PI4KB: variants seen among roughly 807,000 people sequenced by gnomAD.
The protein encoded by PI4KB is PtdIns 4-kinase beta.
Under a neutral mutation model 81.4 loss-of-function variants are expected in PI4KB, and 23 were observed. The ratio of observed to expected loss-of-function variants is 0.28; its 90% CI spans 0.20 to 0.40. PI4KB has a LOEUF of 0.40. Among genes scored for constraint, PI4KB ranks in the 10% least tolerant of loss-of-function variants. PI4KB has a pLI of 1.00. For missense variants in PI4KB, 651 were observed against 1,036.6 expected, an observed-to-expected ratio of 0.63 and a Z score of 5.11; for synonymous variants, 381 against 406.8, an observed-to-expected ratio of 0.94 and a Z score of 0.76.
chr1:151,309,529 C>T (rs1028622100), intron 3 of PI4KB, among the ~76,000 whole-genome samples: 6 of 152,162 alleles, frequency 3.9e-5, no homozygotes, highest in South Asian at 2.1e-4. Flanking sequence ...TTTCCTCTCA[C>T]GTCTTTGCCC....
chr1:151,312,639 T>C (rs756586957), intron 2 of PI4KB, among the ~76,000 whole-genome samples: 10 of 152,158 alleles, frequency 6.6e-5, no homozygotes, highest in Non-Finnish European at 8.8e-5. Flanking sequence ...GAATGTTACA[T>C]GAAAGGGAAG....
Position 151,307,704 on chromosome 1 carries a change from C to T in PI4KB, c.1052G>A (p.Arg351Lys), listed in dbSNP as rs1695898051. 1 of 1,614,194 alleles carries T rather than the reference C, an allele frequency of 6.2e-7. No individual in the cohort carries two copies. Among genetic ancestry groups the T allele is most frequent in the Non-Finnish European group, 8.5e-7 (1 of 1,180,032 alleles). ...TLPTKEQKTQ[R>K]LISELSLLNH... ...GAGCAGGGAGAGCTCTGAGATCAGC[C>T]TCTGTGTTTTCTGCTCTTTGGTGGG... Residue 351 changes from arginine to lysine, a missense_variant, in exon 4 of 12, where the codon AGG (arginine) becomes AAG (lysine). Transcript: ENST00000368873.
chr1:151,327,454 G>A (rs1018772054), upstream of PI4KB: 8 of 397,264 alleles, frequency 2.0e-5, no homozygotes, highest in Non-Finnish European at 3.6e-5. Flanking sequence ...GGGGCCTTCA[G>A]GCTGCCACAA....
rs376886091 is a variant in PI4KB at position 151,307,562 on chromosome 1, G to C, written c.1182+12C>G. 71 of 1,590,110 alleles carry C rather than the reference G, an allele frequency of 4.5e-5. No individual in the cohort carries two copies. The highest frequency in any genetic ancestry group is 6.1e-5 in the Non-Finnish European group (71 of 1,158,602). On this transcript the variant is annotated intron_variant, in intron 4 of 11. Coordinates refer to ENST00000368873, the MANE Select transcript of PI4KB (RefSeq NM_001369623.2). Reference sequence around the variant, plus strand: ...ACGTCCAGGGTAGGGGTTTGGGCCAGAACCCATCTACCTTGTCCTTGGAGT... The same window carrying C: ...ACGTCCAGGGTAGGGGTTTGGGCCACAACCCATCTACCTTGTCCTTGGAGT...
intron 10 of PI4KB, 52 bp downstream of exon 10, chr1:151,294,357 A>G (rs1694610672): frequency 6.3e-7 from 1 of 1,596,706 alleles, no homozygotes; most frequent in Non-Finnish European, 8.5e-7. Context: ...CTCTCCCATG[A>G]CAGAGAAAGA....
chr1:151,298,325 AG>A (rs1258423810), intron 9 of PI4KB: 1 of 157,876 alleles, frequency 6.3e-6, no homozygotes, highest in Non-Finnish European at 1.4e-5. Flanking sequence ...ACAGTGCCAC[AG>A]GGCATTTAAT....
At chr1:151,293,076 G>C (rs756050051) in intron 11 of PI4KB, 43 bp from the exon 12 acceptor site, 1 of 1,601,602 alleles carries the variant, frequency 6.2e-7, no homozygotes, top group Non-Finnish European at 8.5e-7. Flanking sequence ...ATGGACGGGA[G>C]GGGCAGTGGT....
At chr1:151,314,817 T>C (rs973221195) in intron 2 of PI4KB, among the ~76,000 whole-genome samples, 2 of 152,132 alleles carry the variant, frequency 1.3e-5, no homozygotes, top group Non-Finnish European at 2.9e-5. Context: ...TTCTAACATC[T>C]CCCCTACCCC....
chr1:151,327,215 G>GCCGGGGGGGCCCCC, intron 1 of PI4KB, 56 bp downstream of exon 1: 1 of 49,688 alleles, frequency 2.0e-5, no homozygotes, highest in Non-Finnish European at 4.5e-5. Context: ...GTGGGAGAGG[G>GCCGGGGGGGCCCCC]ACCCCCCCCC....
chr1:151,307,589 G>A lies in PI4KB; in HGVS notation c.1167C>T (p.Leu389=). The A allele has an allele frequency of 6.2e-7, 1 of 1,611,762 alleles. No individual in the cohort carries two copies. Residue 389 remains leucine (L), a synonymous_variant, in exon 4 of 12, where the codon CTC becomes CTT. Transcript: ENST00000368873. The stretch of plus-strand genomic sequence containing the variant: ...ACCCATCTACCTTGTCCTTGGAGTT[G>A]AGGACAACAGCCTGTGTGTGGGGTA... ...VRVPHTQAVV[L]NSKDKAPYLI... is the part of the protein sequence containing the mutation.
At chr1:151,310,996 T>C (rs1007968897) in intron 2 of PI4KB, among the ~76,000 whole-genome samples, 8 of 152,180 alleles carry the variant, frequency 5.3e-5, no homozygotes, top group African/African-American at 1.4e-4. Context: ...TTGATATAAG[T>C]TGGGGAGTTA....
intron 1 of PI4KB, chr1:151,324,980 G>A (rs1032813229): frequency 5.9e-6 from 4 of 676,954 alleles, no homozygotes; most frequent in South Asian, 6.6e-5. Context: ...TTCCAAGGAG[G>A]AAAGCTGCTT....
At chr1:151,310,144 TG>T in intron 3 of PI4KB, 66 bp downstream of exon 3, 1 of 1,162,238 alleles carries the variant, frequency 8.6e-7, no homozygotes, top group Non-Finnish European at 1.3e-6. Flanking sequence ...TCAGAAGACC[TG>T]GGGACGGAGA....
intron 1 of PI4KB, 28 bp from the exon 2 acceptor site, chr1:151,316,537 C>G (rs756845361): frequency 1.3e-6 from 2 of 1,482,646 alleles, no homozygotes; most frequent in African/African-American, 2.8e-5. Flanking sequence ...GAGAAAAGAA[C>G]AGAAAGGGAG....
In PI4KB at chr1:151,298,858, T is replaced by C. The variant is rs1695017146; in HGVS notation, c.1965A>G (p.Gln655=). ...AGACCAAGCAGTACCCAGCACAACTTTGCACAAAATTGCGCTGTGCACTGA... is the reference window on the plus strand; with the variant it reads ...AGACCAAGCAGTACCCAGCACAACTCTGCACAAAATTGCGCTGTGCACTGA... ...AFLSAQRNFV[Q]SCAGYCLVCY... is the part of the protein sequence containing the mutation. Residue 655 remains glutamine, a synonymous_variant, in exon 9 of 12, where the codon CAA becomes CAG. Transcript: ENST00000368873. The C allele has an allele frequency of 6.2e-7, 1 of 1,614,168 alleles. No individual in the cohort carries two copies. Among genetic ancestry groups the C allele is most frequent in the Non-Finnish European group, 8.5e-7 (1 of 1,180,028 alleles).
At chr1:151,307,212 A>C (rs1695846939) in intron 4 of PI4KB, among the ~76,000 whole-genome samples, 1 of 152,166 alleles carries the variant, frequency 6.6e-6, no homozygotes, top group South Asian at 2.1e-4. Context: ...TTAGAAACAA[A>C]ATATTTCTCT....
In PI4KB at chr1:151,327,256, G is replaced by A; in HGVS notation, c.-29+15C>T. On this transcript the variant is annotated intron_variant, in intron 1 of 11. Coordinates refer to ENST00000368873, the MANE Select transcript of PI4KB (RefSeq NM_001369623.2). ...CAACAGGGCAAAGGTGACTCATGAA[G>A]GAGGAGTAGCTTACCTCTGGGGGAC... The A allele has an allele frequency of 6.4e-6, 1 of 156,286 alleles. No homozygotes were observed. The highest frequency in any genetic ancestry group is 1.2e-5 in the Non-Finnish European group (1 of 85,690). The allele number at this position is 156,286 out of a possible 1,614,324, so 9.7% of individuals were successfully genotyped here.
At chr1:151,293,860 C>A (rs1347505018) in intron 11 of PI4KB, 158 bp downstream of exon 11, 2 of 765,216 alleles carry the variant, frequency 2.6e-6, no homozygotes, top group Non-Finnish European at 4.1e-6. Flanking sequence ...GGAGGAATGT[C>A]CTAAAGGAGA....
At chr1:151,324,633 A>C (rs1649356072) in intron 1 of PI4KB, 7 of 305,342 alleles carry the variant, frequency 2.3e-5, no homozygotes, top group Non-Finnish European at 3.4e-5. Flanking sequence ...CAGGCTGAGA[A>C]CTCTGTGCAG....
Sources: gnomAD v4.1 joint callset for allele counts (sites outside exome capture counted in the v4.1 genomes callset) on GRCh38, gnomAD v4.1.1 for gene constraint, MANE v1.5 for transcripts, NCBI Gene and HGNC (gene_info 2026-07-23, HGNC 2026-07-21) for gene names.